The following NAMPT variants were observed in gnomAD, a reference collection of about 807,000 sequenced individuals.
The protein encoded by NAMPT is nicotinamide phosphoribosyltransferase, also known as NAmPRTase.
In NAMPT, 7 loss-of-function variants were observed where a neutral mutation model predicts 58.7. The observed-to-expected ratio is 0.12, with a 90% CI of 0.07 to 0.22. NAMPT has a LOEUF of 0.22. Among genes scored for constraint, NAMPT ranks in the 10% least tolerant of loss-of-function variants. The probability of loss-of-function intolerance (pLI) is 1.00; values close to 1 mark genes in which losing one functional copy is unlikely to be tolerated. For missense variants in NAMPT, 271 were observed against 567.9 expected (o/e 0.48, Z 5.31); for synonymous variants, 145 against 198.1 (o/e 0.73, Z 2.25).
chr7:106,252,713 C>T lies in NAMPT; in HGVS notation c.1365+304G>A, dbSNP rs191356891. 2.3e-3 allele frequency among the ~76,000 whole-genome samples: 353 copies of T among 152,122 alleles called. 1 individual carries two copies. The highest frequency in any genetic ancestry group is 8.2e-3 in the African/African-American group (339 of 41,500). ...ATTTATTATGTAATCCAAATCAAGT[C>T]ACCTTGTTTTCACATTTTATATTAA... On this transcript the variant is annotated intron_variant, in intron 10 of 10. Transcript: ENST00000222553.
chr7:106,260,087 A>C (rs1283356524), intron 8 of NAMPT, among the ~76,000 whole-genome samples: 6 of 152,182 alleles, frequency 3.9e-5, no homozygotes, highest in Non-Finnish European at 8.8e-5. Context: ...GACCAGCTGC[A>C]TTATCCACTA....
rs538961648 is a variant in NAMPT at position 106,267,989 on chromosome 7, C to T, written c.743+475G>A. 4.0e-5 allele frequency among the ~76,000 whole-genome samples: 6 copies of T among 150,670 alleles called. No homozygotes were observed. In the South Asian group the frequency reaches 6.3e-4, roughly 16 times the overall value. On this transcript the variant is annotated intron_variant, in intron 6 of 10. Coordinates refer to ENST00000222553, the MANE Select transcript of NAMPT (RefSeq NM_005746.3). ...AGTTTACTGAAAGCAGACAAGGAAG[C>T]GTAAAAAGAATCTGAACACCCTTTC...
intron 1 of NAMPT, among the ~76,000 whole-genome samples, chr7:106,282,250 A>T (rs1040213773): frequency 2.0e-5 from 3 of 152,150 alleles, no homozygotes; most frequent in African/African-American, 4.8e-5. Flanking sequence ...TTGAATTCCT[A>T]ATCACCATAT....
At chr7:106,261,223 A>G (rs1384658890) in intron 8 of NAMPT, among the ~76,000 whole-genome samples, 3 of 152,214 alleles carry the variant, frequency 2.0e-5, no homozygotes, top group African/African-American at 7.2e-5. Context: ...CATTAATATT[A>G]TGAGTTTTAC....
At position 106,277,082 on chromosome 7, in the gene NAMPT, A is replaced by T; in HGVS notation, c.155T>A (p.Val52Glu). The T allele has an allele frequency of 6.2e-7, 1 of 1,605,084 alleles. No homozygotes were observed. Among genetic ancestry groups the T allele is most frequent in the Non-Finnish European group, 8.5e-7 (1 of 1,171,970 alleles). The stretch of plus-strand genomic sequence containing the variant: ...ATAAAATACTGTTTCCTCATATTTC[A>T]CCTTCCTTAATTTGGAGTTTTCTGT... ...KKTENSKLRK[V>E]KYEETVFYGL... Residue 52 changes from valine to glutamate, a missense_variant, in exon 2 of 11, where the codon GTG (valine) becomes GAG (glutamate). Around this residue, in one of 4 missense-constraint regions of NAMPT, gnomAD observed 103 missense variants for 194.2 expected, o/e 0.53. Coordinates refer to ENST00000222553, the MANE Select transcript of NAMPT (RefSeq NM_005746.3).
In NAMPT at chr7:106,251,058, C is replaced by T. The variant is rs1343822002; in HGVS notation, c.*25G>A. On this transcript the variant is annotated 3_prime_UTR_variant, in exon 11 of 11. Coordinates refer to ENST00000222553, the MANE Select transcript of NAMPT (RefSeq NM_005746.3). ...CAATAAACATTATGTATTACATACA[C>T]ACAACACACACCCAGTCATAAAGCC... 2.1e-6 allele frequency: 3 copies of T among 1,434,018 alleles called. No individual in the cohort carries two copies. Among genetic ancestry groups the T allele is most frequent in the Non-Finnish European group, 9.8e-7 (1 of 1,016,706 alleles). The allele number at this position is 1,434,018 out of a possible 1,614,324, so 88.8% of individuals were successfully genotyped here.
chr7:106,268,405 A>C (rs1792469988), intron 6 of NAMPT, 59 bp downstream of exon 6: 13 of 1,515,644 alleles, frequency 8.6e-6, no homozygotes, highest in African/African-American at 1.4e-5. Flanking sequence ...AATGTCACTG[A>C]GTTACAAATA....
intron 2 of NAMPT, 35 bp downstream of exon 2, chr7:106,276,974 GAGTTAAGAGTAATA>G: frequency 7.2e-7 from 1 of 1,391,276 alleles, no homozygotes; most frequent in Non-Finnish European, 1.0e-6. Flanking sequence ...ACTCCTAAAG[GAGTTAAGAGTAATA>G]AGCAGTGTTT....
intron 8 of NAMPT, among the ~76,000 whole-genome samples, chr7:106,259,778 C>G (rs562795213): frequency 1.3e-5 from 2 of 151,944 alleles, no homozygotes; most frequent in Admixed American, 1.3e-4. Context: ...GATAGGCTGT[C>G]GAACGGACGT....
intron 2 of NAMPT, chr7:106,276,011 T>G (rs914173746): frequency 4.6e-5 from 7 of 152,158 alleles, no homozygotes; most frequent in Admixed American, 2.0e-4. Context: ...CCTGGGTGAC[T>G]GAGTGAGACC....
chr7:106,281,539 A>C (rs531335466), intron 1 of NAMPT, among the ~76,000 whole-genome samples: 2 of 152,352 alleles, frequency 1.3e-5, no homozygotes, highest in South Asian at 4.1e-4. Context: ...ATAATATCTA[A>C]GGGCAATCAG....
In NAMPT at chr7:106,254,468, C is replaced by G. The variant is rs1380776617; in HGVS notation, c.1126G>C (p.Glu376Gln). ...EGMKQKMWSI[E>Q]NIAFGSGGGL... The stretch of plus-strand genomic sequence containing the variant: ...CCACCAGAACCGAAGGCAATATTTT[C>G]AATACTCCACATTTTTTGTTTCATG... The change falls in exon 9 of 11, where the codon GAA becomes CAA. Residue 376 changes from glutamate to glutamine, a missense_variant. Transcript: ENST00000222553. The G allele has an allele frequency of 1.2e-6, 2 of 1,613,810 alleles. No homozygotes were observed. Among genetic ancestry groups the G allele is most frequent in the Admixed American group, 3.3e-5 (2 of 60,002 alleles).
Position 106,250,389 on chromosome 7 carries a change from C to T in NAMPT, c.*694G>A, listed in dbSNP as rs1792086769. The T allele has an allele frequency of 6.6e-6, 1 of 152,400 alleles. No homozygotes were observed. The highest frequency in any genetic ancestry group is 2.1e-4 in the South Asian group (1 of 4,844). The allele number at this position is 152,400 out of a possible 1,614,324, so 9.4% of individuals were successfully genotyped here. On this transcript the variant is annotated 3_prime_UTR_variant, in exon 11 of 11. Transcript: ENST00000222553. ...GCATTTCACTGGTACAATACAACAA[C>T]CAAGATATATAATAACTGTACAGTG...
At chr7:106,272,855 T>C (rs1395836216) in intron 3 of NAMPT, among the ~76,000 whole-genome samples, 197 bp from the exon 4 acceptor site, 1 of 152,242 alleles carries the variant, frequency 6.6e-6, no homozygotes, top group East Asian at 1.9e-4. Flanking sequence ...ACATACGTAC[T>C]GATATTAATT....
Position 106,268,322 on chromosome 7 carries a change from GTA to G in NAMPT, c.743+140_743+141del, listed in dbSNP as rs1295507629. 8 of 729,856 alleles carry G rather than the reference GTA, an allele frequency of 1.1e-5. No individual in the cohort carries two copies. In the African/African-American group the frequency reaches 1.4e-4, roughly 13 times the overall value. The allele number at this position is 729,856 out of a possible 1,614,324, so 45.2% of individuals were successfully genotyped here. A position where few individuals can be genotyped will look rare whatever the true frequency, so the allele number is the denominator to read the frequency against. On this transcript the variant is annotated intron_variant, in intron 6 of 10. Coordinates refer to ENST00000222553, the MANE Select transcript of NAMPT (RefSeq NM_005746.3). Reference sequence around the variant, plus strand: ...CTCTAAGACTAATGTTTATACTTTTGTATAAATACTGAATTTGTGTTGCTCAA... The same window carrying G: ...CTCTAAGACTAATGTTTATACTTTTGTAAATACTGAATTTGTGTTGCTCAA...
intron 8 of NAMPT, among the ~76,000 whole-genome samples, chr7:106,259,877 T>C (rs1414566089): frequency 8.8e-6 from 1 of 113,342 alleles, no homozygotes; most frequent in Non-Finnish European, 1.9e-5. Context: ...TTCGAAACAA[T>C]CTTTTTTTTT....
chr7:106,285,235 A>C, upstream of NAMPT: 1 of 976,482 alleles, frequency 1.0e-6, no homozygotes, highest in Non-Finnish European at 1.3e-6. Flanking sequence ...GGAGGACGTG[A>C]TGCACGCGCT....
At chr7:106,258,936 G>A (rs906083000) in intron 8 of NAMPT, among the ~76,000 whole-genome samples, 6 of 152,190 alleles carry the variant, frequency 3.9e-5, no homozygotes, top group Admixed American at 3.3e-4. Context: ...AGATTTATCT[G>A]TAGCTTGCGA....
At chr7:106,263,340 G>A in intron 7 of NAMPT, 52 bp downstream of exon 7, 1 of 1,274,798 alleles carries the variant, frequency 7.8e-7, no homozygotes, top group Non-Finnish European at 1.1e-6. Context: ...TAGTATTGAT[G>A]CAGCTGGCCT....
Sources: allele counts gnomAD v4.1 joint callset (sites outside exome capture counted in the v4.1 genomes callset), GRCh38; gene constraint gnomAD v4.1.1; regional missense constraint gnomAD v4.1.1; transcripts MANE v1.5; gene names NCBI Gene and HGNC (gene_info 2026-07-23, HGNC 2026-07-21).